UBXN6: variants seen among roughly 807,000 people sequenced by gnomAD.
UBXN6 encodes the protein UBX domain-containing protein 6.
In UBXN6, 44 loss-of-function variants were observed where a neutral mutation model predicts 51.4. The observed-to-expected ratio is 0.86, with a 90% CI of 0.67 to 1.10. The LOEUF (loss-of-function observed/expected upper bound fraction) is 1.10, where lower values mean the gene tolerates loss of function less well. Ranked by LOEUF, UBXN6 falls within the 50% of genes least tolerant of loss-of-function variation. UBXN6 has a pLI of 0.00. For missense variants in UBXN6, 672 were observed against 596.1 expected (o/e 1.13, Z -1.32); for synonymous variants, 316 against 263.2 (o/e 1.20, Z -1.94).
In UBXN6 at chr19:4,445,484, A is replaced by C; in HGVS notation, c.*14T>G. ...AGACAGACCCACAGGGCTGAGGCCA[A>C]CCCTGCTTTTATTTCACAAGAGCTT... On this transcript the variant is annotated 3_prime_UTR_variant, in exon 11 of 11. Transcript: ENST00000301281. 1 of 1,613,568 alleles carries C rather than the reference A, an allele frequency of 6.2e-7. No homozygotes were observed. The highest frequency in any genetic ancestry group is 8.5e-7 in the Non-Finnish European group (1 of 1,179,886).
At chr19:4,447,682 C>T (rs912969527) in intron 5 of UBXN6, 57 bp from the exon 6 acceptor site, 1 of 1,559,064 alleles carries the variant, frequency 6.4e-7, no homozygotes, top group Non-Finnish European at 8.8e-7. Context: ...CCCGGCCCCT[C>T]TGTGCCTCCT....
chr19:4,445,689 C>T (rs1231108097), intron 10 of UBXN6, 66 bp from the exon 11 acceptor site: 9 of 1,576,160 alleles, frequency 5.7e-6, no homozygotes, highest in Non-Finnish European at 7.7e-6. Flanking sequence ...GGGAACTCAG[C>T]GGGCAACCTG....
rs1463646914 is a variant in UBXN6, at chr19:4,453,904, T to C, written c.247+26A>G. ...CCGAGAACCTCAAACAGCCCCAACCTGGGCCCGAGGAGGGCCATATCTCAC... is the reference window on the plus strand; with the variant it reads ...CCGAGAACCTCAAACAGCCCCAACCCGGGCCCGAGGAGGGCCATATCTCAC... On this transcript the variant is annotated intron_variant, in intron 2 of 10. Transcript: ENST00000301281. The C allele has an allele frequency of 1.9e-6, 3 of 1,602,342 alleles. No homozygotes were observed. The African/African-American group carries it at 4.0e-5, about 21-fold the overall frequency.
At chr19:4,449,774 A>C (rs1411096200) in intron 4 of UBXN6, 1 of 152,236 alleles carries the variant, frequency 6.6e-6, no homozygotes, top group Admixed American at 6.5e-5. Context: ...CTGTAAGCAA[A>C]AGACAGGTGC....
intron 1 of UBXN6, among the ~76,000 whole-genome samples, chr19:4,456,813 G>A (rs1028550197): frequency 1.3e-5 from 2 of 152,080 alleles, no homozygotes; most frequent in Non-Finnish European, 2.9e-5. Context: ...AGACGCGTCT[G>A]TCTCACCCGT....
rs140698840 is a variant in UBXN6, at chr19:4,446,691, G to C, written c.729C>G (p.Ser243Arg). Residue 243 changes from serine (S) to arginine (R), a missense_variant, in exon 8 of 11, where the codon AGC (serine) becomes AGG (arginine). By Grantham distance (110) the Ser-to-Arg change is moderately radical (BLOSUM62 -1). Coordinates refer to ENST00000301281, the MANE Select transcript of UBXN6 (RefSeq NM_025241.3). ...QEDPEEFYVL[S>R]ETTLAQPQSL... Reference sequence around the variant, plus strand: ...TCTGGGGCTGGGCCAAGGTGGTCTCGCTCAGCACGTAGAACTCCTCGGGGT... The same window carrying C: ...TCTGGGGCTGGGCCAAGGTGGTCTCCCTCAGCACGTAGAACTCCTCGGGGT... The C allele has an allele frequency of 1.9e-6, 3 of 1,610,914 alleles. No individual in the cohort carries two copies. The highest frequency in any genetic ancestry group is 1.7e-6 in the Non-Finnish European group (2 of 1,178,318).
chr19:4,456,652 C>T (rs1409051113), intron 1 of UBXN6, among the ~76,000 whole-genome samples: 1 of 152,132 alleles, frequency 6.6e-6, no homozygotes, highest in Non-Finnish European at 1.5e-5. Flanking sequence ...CTCAGCCCTG[C>T]TCAGGCCCTT....
Position 4,454,220 on chromosome 19 carries a change from G to A in UBXN6, c.84-127C>T, listed in dbSNP as rs547362689. 1.1e-4 allele frequency: 125 copies of A among 1,100,494 alleles called. No individual in the cohort carries two copies. In the African/African-American group the frequency reaches 1.5e-3, roughly 14 times the overall value. 68.2% of individuals were successfully genotyped at this position (1,100,494 alleles called of 1,614,324 possible). A position where few individuals can be genotyped will look rare whatever the true frequency, so the allele number is the denominator to read the frequency against. The stretch of plus-strand genomic sequence containing the variant: ...AGCCAGACGTGTCCCTGCCTATGTG[G>A]GCCAGGACACCTGGTTCCCAGGGGC... On this transcript the variant is annotated intron_variant, in intron 1 of 10. Transcript: ENST00000301281.
chr19:4,454,916 C>A (rs1415459266), intron 1 of UBXN6: 1 of 152,352 alleles, frequency 6.6e-6, no homozygotes, highest in Non-Finnish European at 1.5e-5. Flanking sequence ...TTCCTAAACC[C>A]AAGAGGGACA....
rs761106610 is a variant in UBXN6, at chr19:4,448,337, C to G, written c.520G>C (p.Gly174Arg). 4 of 1,608,664 alleles carry G rather than the reference C, an allele frequency of 2.5e-6. No homozygotes were observed. The highest frequency in any genetic ancestry group is 3.4e-6 in the Non-Finnish European group (4 of 1,178,152). The change falls in exon 5 of 11, where the codon GGT becomes CGT. Residue 174 changes from glycine to arginine, a missense_variant. Coordinates refer to ENST00000301281, the MANE Select transcript of UBXN6 (RefSeq NM_025241.3). ...GCTCACTTGGCAATGGTGTCCACAC[C>G]CAGCTTCACCCGGTCCTGGTCTTTG... ...FNKDQDRVKL[G>R]VDTIAKYLDN...
At position 4,446,601 on chromosome 19, in the gene UBXN6, C is replaced by T. The variant is rs757170638; in HGVS notation, c.819G>A (p.Gln273=). ...AEPVRAKLDR[Q]RRVFQPSPLA... ...GGGGCGAGGGCTGGAAGACGCGGCGCTGCCTGTCCAGCTTGGCGCGCACGG... is the reference window on the plus strand; with the variant it reads ...GGGGCGAGGGCTGGAAGACGCGGCGTTGCCTGTCCAGCTTGGCGCGCACGG... The change falls in exon 8 of 11, where the codon CAG becomes CAA. Residue 273 remains glutamine (Q), a synonymous_variant. Transcript: ENST00000301281. 1.2e-5 allele frequency: 20 copies of T among 1,612,602 alleles called. No homozygotes were observed. Among genetic ancestry groups the T allele is most frequent in the Non-Finnish European group, 1.6e-5 (19 of 1,179,908 alleles).
At position 4,446,580 on chromosome 19, in the gene UBXN6, C is replaced by G. The variant is rs368841367; in HGVS notation, c.840G>C (p.Ser280=). Residue 280 remains serine (S), a synonymous_variant, in exon 8 of 11, where the codon TCG becomes TCC. Transcript: ENST00000301281. ...GCAGTTCGAACTGCGAGGCCAGGGG[C>G]GAGGGCTGGAAGACGCGGCGCTGCC... ...LDRQRRVFQP[S]PLASQFELPG... 3.1e-6 allele frequency: 5 copies of G among 1,612,476 alleles called. No homozygotes were observed. Among genetic ancestry groups the G allele is most frequent in the Non-Finnish European group, 3.4e-6 (4 of 1,179,922 alleles).
intron 1 of UBXN6, among the ~76,000 whole-genome samples, chr19:4,456,992 C>T (rs375144112): frequency 2.0e-5 from 3 of 152,056 alleles, no homozygotes; most frequent in Non-Finnish European, 4.4e-5. Context: ...TCTTTCTAGT[C>T]TCCCATCAGC....
Position 4,445,548 on chromosome 19 carries a change from C to G in UBXN6, c.1276G>C (p.Asp426His), listed in dbSNP as rs748257663. 6.2e-7 allele frequency: 1 copy of G among 1,613,768 alleles called. No individual in the cohort carries two copies. Among genetic ancestry groups the G allele is most frequent in the African/African-American group, 1.3e-5 (1 of 74,938 alleles). Residue 426 changes from aspartate to histidine, a missense_variant, in exon 11 of 11, where the codon GAC becomes CAC. Asp to His is a moderately conservative substitution (Grantham distance 81, BLOSUM62 -1). Coordinates refer to ENST00000301281, the MANE Select transcript of UBXN6 (RefSeq NM_025241.3). ...AGGAGCTCGGGTTTCAGGATGGAGT[C>G]CGGCTCGGCCCCCGCGGCCTTGATG... is the stretch of plus-strand genomic sequence containing the variant. ...EDIKAAGAEP[D>H]SILKPELLSA... is the part of the protein sequence containing the mutation.
intron 4 of UBXN6, chr19:4,448,654 T>C: frequency 1.8e-6 from 1 of 558,524 alleles, no homozygotes; most frequent in Non-Finnish European, 3.2e-6. Flanking sequence ...TTCCGCCTTC[T>C]CAAGGCTAGA....
Position 4,452,454 on chromosome 19 carries a change from A to G in UBXN6, c.351T>C (p.Ala117=). Reference sequence around the variant, plus strand: ...GACAGGTGAAGTACACGCCAGGCACAGCCAGGTGGGCAGAGCCTTCCTCTC... The same window carrying G: ...GACAGGTGAAGTACACGCCAGGCACGGCCAGGTGGGCAGAGCCTTCCTCTC... ...EPREEGSAHL[A]VPGVYFTCPL... The change falls in exon 4 of 11, where the codon GCT becomes GCC. Residue 117 remains alanine, a synonymous_variant. Coordinates refer to ENST00000301281, the MANE Select transcript of UBXN6 (RefSeq NM_025241.3). 6.2e-7 allele frequency: 1 copy of G among 1,612,150 alleles called. No individual in the cohort carries two copies. Among genetic ancestry groups the G allele is most frequent in the Non-Finnish European group, 8.5e-7 (1 of 1,179,902 alleles).
In UBXN6 at chr19:4,452,445, G is replaced by T; in HGVS notation, c.360C>A (p.Gly120=). 6.2e-7 allele frequency: 1 copy of T among 1,612,138 alleles called. No homozygotes were observed. Among genetic ancestry groups the T allele is most frequent in the African/African-American group, 1.3e-5 (1 of 74,972 alleles). ...EEGSAHLAVP[G]VYFTCPLTGA... ...CAGTGAGCGGACAGGTGAAGTACACGCCAGGCACAGCCAGGTGGGCAGAGC... is the reference window on the plus strand; with the variant it reads ...CAGTGAGCGGACAGGTGAAGTACACTCCAGGCACAGCCAGGTGGGCAGAGC... Residue 120 remains glycine, a synonymous_variant, in exon 4 of 11, where the codon GGC becomes GGA. Coordinates refer to ENST00000301281, the MANE Select transcript of UBXN6 (RefSeq NM_025241.3).
At chr19:4,455,735 T>C (rs1289032833) in intron 1 of UBXN6, among the ~76,000 whole-genome samples, 1 of 152,094 alleles carries the variant, frequency 6.6e-6, no homozygotes, top group East Asian at 1.9e-4. Flanking sequence ...GCCCAGAATG[T>C]TCTCCGGGGG....
At position 4,454,081 on chromosome 19, in the gene UBXN6, G is replaced by A; in HGVS notation, c.96C>T (p.His32=). 6.4e-7 allele frequency: 1 copy of A among 1,561,164 alleles called. No homozygotes were observed. Among genetic ancestry groups the A allele is most frequent in the Non-Finnish European group, 8.6e-7 (1 of 1,158,112 alleles). Residue 32 remains histidine (H), a synonymous_variant, in exon 2 of 11, where the codon CAC becomes CAT. Coordinates refer to ENST00000301281, the MANE Select transcript of UBXN6 (RefSeq NM_025241.3). ...GGGCTGGCTGGTTGGGCTTCTCTTTGTGGGCCTTTTCCCTGGGAACAGACC... is the reference window on the plus strand; with the variant it reads ...GGGCTGGCTGGTTGGGCTTCTCTTTATGGGCCTTTTCCCTGGGAACAGACC... ...KLKESVGEKA[H]KEKPNQPAPR...
Sources: allele counts gnomAD v4.1 joint callset (sites outside exome capture counted in the v4.1 genomes callset), GRCh38; gene constraint gnomAD v4.1.1; transcripts MANE v1.5; gene names NCBI Gene and HGNC (gene_info 2026-07-23, HGNC 2026-07-21).